Variants in RBM14 observed in about 807,000 individuals in gnomAD.
The protein encoded by RBM14 is RNA-binding protein 14.
A neutral mutation model predicts 52.8 loss-of-function variants in RBM14; 5 were observed. The observed-to-expected ratio is 0.09, with a 90% CI of 0.05 to 0.20. The LOEUF is 0.20. Among genes scored for constraint, RBM14 ranks in the 10% least tolerant of loss-of-function variants. RBM14 has a pLI of 1.00. For missense variants in RBM14, 780 were observed against 926.6 expected (o/e 0.84, Z 2.05); for synonymous variants, 411 against 401.8 (o/e 1.02, Z -0.28).
chr11:66,624,320 C>G lies in RBM14; in HGVS notation c.444C>G (p.Thr148=). Residue 148 remains threonine (T), a synonymous_variant, in exon 2 of 3, where the codon ACC becomes ACG. Coordinates refer to ENST00000310137, the MANE Select transcript of RBM14 (RefSeq NM_006328.4). The surrounding 1 kb of genome is among the most constrained non-coding windows in gnomAD (Gnocchi z 4.7). ...AGCGCATCAACGTGGAACTCTCCAC[C>G]AAGGGTCAGAAGAAGGGGCCTGGCC... is the stretch of plus-strand genomic sequence containing the variant. ...KGKRINVELS[T]KGQKKGPGLA... is the part of the protein sequence containing the mutation. The G allele has an allele frequency of 6.2e-7, 1 of 1,614,048 alleles. No individual in the cohort carries two copies. The highest frequency in any genetic ancestry group is 8.5e-7 in the Non-Finnish European group (1 of 1,179,920).
In RBM14 at chr11:66,625,705, C is replaced by T. The variant is rs1485437812; in HGVS notation, c.1802+27C>T. ...TACTGTATGCCCCCCCGCCTCTGCC[C>T]CCAGCTGGGGCTTAGGGCAAGGGGC... is the stretch of plus-strand genomic sequence containing the variant. On this transcript the variant is annotated intron_variant, in intron 2 of 2. Coordinates refer to ENST00000310137, the MANE Select transcript of RBM14 (RefSeq NM_006328.4). This position sits in a 1 kb window ranked among gnomAD's most constrained non-coding sequence, Gnocchi z 4.2. 3 of 1,536,374 alleles carry T rather than the reference C, an allele frequency of 2.0e-6. No individual in the cohort carries two copies. Among genetic ancestry groups the T allele is most frequent in the Middle Eastern group, 1.7e-4 (1 of 5,796 alleles).
chr11:66,628,311 C>G lies in RBM14; in HGVS notation c.*1643C>G, dbSNP rs184901581. 6.6e-6 allele frequency among the ~76,000 whole-genome samples: 1 copy of G among 152,092 alleles called. No individual in the cohort carries two copies. Among genetic ancestry groups the G allele is most frequent in the Non-Finnish European group, 1.5e-5 (1 of 68,026 alleles). ...TTTGGGAAAAGGTGCTTTAAAGACT[C>G]GATTTGGGAGCCTACTGGGGCAAGG... On this transcript the variant is annotated 3_prime_UTR_variant, in exon 3 of 3. Transcript: ENST00000310137.
At position 66,624,420 on chromosome 11, in the gene RBM14, T is replaced by C; in HGVS notation, c.544T>C (p.Ser182Pro). 2 of 1,614,120 alleles carry C rather than the reference T, an allele frequency of 1.2e-6. No individual in the cohort carries two copies. The highest frequency in any genetic ancestry group is 2.7e-5 in the African/African-American group (2 of 75,052). The change falls in exon 2 of 3, where the codon TCT becomes CCT. Residue 182 changes from serine (S) to proline (P), a missense_variant. Transcript: ENST00000310137. This position sits in a 1 kb window ranked among gnomAD's most constrained non-coding sequence, Gnocchi z 4.7. ...DTAFPGTGGF[S>P]ATFDYQQAFG... Reference sequence around the variant, plus strand: ...GGCCTTCCCTGGAACTGGTGGCTTCTCTGCCACCTTCGACTACCAGCAGGC... The same window carrying C: ...GGCCTTCCCTGGAACTGGTGGCTTCCCTGCCACCTTCGACTACCAGCAGGC...
rs548438234 is a variant in RBM14, at chr11:66,629,598, A to G, written c.*2930A>G. On this transcript the variant is annotated 3_prime_UTR_variant, in exon 3 of 3. Coordinates refer to ENST00000310137, the MANE Select transcript of RBM14 (RefSeq NM_006328.4). ...TGGACATCATGGGATGGATGAGGTC[A>G]TCATGAAAACAGATTTACTGGATTT... Among the ~76,000 whole-genome samples the G allele has an allele frequency of 6.6e-4, 101 of 152,240 alleles. No homozygotes were observed. Among genetic ancestry groups the G allele is most frequent in the Non-Finnish European group, 1.1e-3 (78 of 68,036 alleles).
intron 1 of RBM14, among the ~76,000 whole-genome samples, chr11:66,622,936 C>T (rs986639490): frequency 5.3e-5 from 8 of 152,164 alleles, no homozygotes; most frequent in African/African-American, 1.7e-4. Flanking sequence ...TTCCTAGGGG[C>T]AGGATTCTCT....
chr11:66,617,106 C>T (rs771011069), intron 1 of RBM14, 49 bp downstream of exon 1: 2 of 1,535,486 alleles, frequency 1.3e-6, no homozygotes, highest in South Asian at 1.3e-5. Context: ...GGGCACTCTG[C>T]CTGTTAGCCA....
Position 66,624,124 on chromosome 11 carries a change from G to C in RBM14, c.338-90G>C. 6.5e-7 allele frequency: 1 copy of C among 1,541,626 alleles called. No individual in the cohort carries two copies. The highest frequency in any genetic ancestry group is 8.7e-7 in the Non-Finnish European group (1 of 1,143,920). Reference sequence around the variant, plus strand: ...GAGGCCTTGGAGGTAGCTGGCAACAGCTGGGTGCTGTTGTGTGTCCAATTT... The same window carrying C: ...GAGGCCTTGGAGGTAGCTGGCAACACCTGGGTGCTGTTGTGTGTCCAATTT... On this transcript the variant is annotated intron_variant, in intron 1 of 2. Transcript: ENST00000310137. This position sits in a 1 kb window ranked among gnomAD's most constrained non-coding sequence, Gnocchi z 4.7.
At position 66,625,972 on chromosome 11, in the gene RBM14, A is replaced by G. The variant is rs1937786493; in HGVS notation, c.1802+294A>G. Among the ~76,000 whole-genome samples the G allele has an allele frequency of 6.6e-6, 1 of 152,178 alleles. No homozygotes were observed. Among genetic ancestry groups the G allele is most frequent in the South Asian group, 2.1e-4 (1 of 4,834 alleles). ...GCTACTGCCTGCAGGACTGTGGCCC[A>G]TATCCTTTCCCACTGTCTCAAGGAT... On this transcript the variant is annotated intron_variant, in intron 2 of 2. Coordinates refer to ENST00000310137, the MANE Select transcript of RBM14 (RefSeq NM_006328.4). This position sits in a 1 kb window ranked among gnomAD's most constrained non-coding sequence, Gnocchi z 4.2.
rs534878980 is a variant in RBM14 at position 66,624,338 on chromosome 11, G to T, written c.462G>T (p.Gly154=). The change falls in exon 2 of 3, where the codon GGG becomes GGT. Residue 154 remains glycine (G), a synonymous_variant. Transcript: ENST00000310137. This position sits in a 1 kb window ranked among gnomAD's most constrained non-coding sequence, Gnocchi z 4.7. The part of the protein sequence containing the change: ...VELSTKGQKK[G]PGLAVQSGDK... Reference sequence around the variant, plus strand: ...TCTCCACCAAGGGTCAGAAGAAGGGGCCTGGCCTGGCTGTCCAGTCTGGGG... The same window carrying T: ...TCTCCACCAAGGGTCAGAAGAAGGGTCCTGGCCTGGCTGTCCAGTCTGGGG... The T allele has an allele frequency of 9.9e-6, 16 of 1,614,026 alleles. No homozygotes were observed. Among genetic ancestry groups the T allele is most frequent in the Non-Finnish European group, 1.4e-5 (16 of 1,179,982 alleles).
Position 66,625,523 on chromosome 11 carries a change from T to C in RBM14, c.1647T>C (p.Asp549=), listed in dbSNP as rs539177371. The change falls in exon 2 of 3, where the codon GAT becomes GAC. Residue 549 remains aspartate (D), a synonymous_variant. Transcript: ENST00000310137. This position sits in a 1 kb window ranked among gnomAD's most constrained non-coding sequence, Gnocchi z 4.2. ...SYRGQPGNAY[D]GAGQPSAAYL... Reference sequence around the variant, plus strand: ...GCGGCCAGCCAGGCAATGCCTACGATGGGGCAGGTCAGCCGTCTGCAGCCT... The same window carrying C: ...GCGGCCAGCCAGGCAATGCCTACGACGGGGCAGGTCAGCCGTCTGCAGCCT... 169 of 1,612,530 alleles carry C rather than the reference T, an allele frequency of 1.0e-4. 3 individuals are homozygous for C. The South Asian group carries it at 1.7e-3, about 17-fold the overall frequency.
intron 1 of RBM14, among the ~76,000 whole-genome samples, chr11:66,622,745 T>C (rs898851557): frequency 9.2e-5 from 14 of 152,346 alleles, no homozygotes; most frequent in Non-Finnish European, 2.1e-4. Flanking sequence ...GGCATCCCAG[T>C]ACGAAAGTTT....
chr11:66,619,855 C>G (rs1285323733), intron 1 of RBM14, among the ~76,000 whole-genome samples: 1 of 152,234 alleles, frequency 6.6e-6, no homozygotes, highest in Non-Finnish European at 1.5e-5. Context: ...CGCAAGCCAC[C>G]GCGCCTAGCC....
In RBM14 at chr11:66,628,297, G is replaced by C. The variant is rs1182712637; in HGVS notation, c.*1629G>C. On this transcript the variant is annotated 3_prime_UTR_variant, in exon 3 of 3. Transcript: ENST00000310137. ...CTTACTGATGCTCTTTTGGGAAAAG[G>C]TGCTTTAAAGACTCGATTTGGGAGC... Among the ~76,000 whole-genome samples, 1 of 152,154 alleles carries C rather than the reference G, an allele frequency of 6.6e-6. No homozygotes were observed. Among genetic ancestry groups the C allele is most frequent in the Non-Finnish European group, 1.5e-5 (1 of 68,040 alleles).
intron 1 of RBM14, among the ~76,000 whole-genome samples, chr11:66,621,796 A>G (rs1859124460): frequency 6.6e-6 from 1 of 152,248 alleles, no homozygotes; most frequent in Non-Finnish European, 1.5e-5. Context: ...AGGTTTGAAT[A>G]ATCATAATTC....
Position 66,616,630 on chromosome 11 carries a change from A to T in RBM14, c.-91A>T, listed in dbSNP as rs1323600522. The T allele has an allele frequency of 2.1e-6, 3 of 1,453,920 alleles. No homozygotes were observed. The African/African-American group carries it at 4.3e-5, about 21-fold the overall frequency. 90.1% of individuals were successfully genotyped at this position (1,453,920 alleles called of 1,614,324 possible). A position where few individuals can be genotyped will look rare whatever the true frequency, so the allele number is the denominator to read the frequency against. ...GCGGCGGGGTTCTCGGTCGCCAGCC[A>T]TTCCTGAGGAGGACTGCCGGTCGTT... On this transcript the variant is annotated 5_prime_UTR_variant, in exon 1 of 3. Coordinates refer to ENST00000310137, the MANE Select transcript of RBM14 (RefSeq NM_006328.4).
intron 1 of RBM14, 134 bp downstream of exon 1, chr11:66,617,191 T>TG (rs1204907189): frequency 2.8e-6 from 4 of 1,441,786 alleles, no homozygotes; most frequent in Non-Finnish European, 3.6e-6. Flanking sequence ...TCGGAGGTGT[T>TG]GGGGGCGCGT....
intron 1 of RBM14, among the ~76,000 whole-genome samples, chr11:66,622,514 T>C (rs1859162126): frequency 6.6e-6 from 1 of 152,236 alleles, no homozygotes; most frequent in Non-Finnish European, 1.5e-5. Flanking sequence ...CATGAGCCCC[T>C]GTACCTGCCT....
chr11:66,626,111 G>C (rs1937793725), intron 2 of RBM14, among the ~76,000 whole-genome samples: 1 of 152,244 alleles, frequency 6.6e-6, no homozygotes, highest in Non-Finnish European at 1.5e-5. Flanking sequence ...ACTCTGGGAA[G>C]TTGGGGACCT....
chr11:66,621,944 T>C (rs1590843829), intron 1 of RBM14, among the ~76,000 whole-genome samples: 1 of 152,064 alleles, frequency 6.6e-6, no homozygotes, highest in East Asian at 1.9e-4. Context: ...GACGGAGTTT[T>C]GCGCTTGTCA....
Sources: allele counts gnomAD v4.1 joint callset (sites outside exome capture counted in the v4.1 genomes callset), GRCh38; gene constraint gnomAD v4.1.1; non-coding constraint Gnocchi (gnomAD v3.1); transcripts MANE v1.5; gene names NCBI Gene and HGNC (gene_info 2026-07-23, HGNC 2026-07-21).